The following MSRB3 variants were observed in gnomAD, a reference collection of about 807,000 sequenced individuals.
The protein encoded by MSRB3 is methionine sulfoxide reductase B3.
Under a neutral mutation model 21.0 loss-of-function variants are expected in MSRB3, and 13 were observed. The ratio of observed to expected loss-of-function variants is 0.62; its 90% CI spans 0.40 to 0.98. The LOEUF (loss-of-function observed/expected upper bound fraction) is 0.98. Among genes scored for constraint, MSRB3 ranks in the 50% least tolerant of loss-of-function variants. The probability of loss-of-function intolerance (pLI) is 0.00; values close to 1 mark genes in which losing one functional copy is unlikely to be tolerated. For missense variants in MSRB3, 199 were observed against 230.3 expected, an observed-to-expected ratio of 0.86 and a Z score of 0.88; for synonymous variants, 87 against 88.6, an observed-to-expected ratio of 0.98 and a Z score of 0.10.
intron 5 of MSRB3, among the ~76,000 whole-genome samples, chr12:65,429,011 G>A (rs1477547634): frequency 6.6e-6 from 1 of 152,076 alleles, no homozygotes; most frequent in African/African-American, 2.4e-5. Context: ...GGGTGGGACT[G>A]TATGGTTGCC....
At chr12:65,427,975 A>G (rs1881687673) in intron 5 of MSRB3, among the ~76,000 whole-genome samples, 1 of 152,184 alleles carries the variant, frequency 6.6e-6, no homozygotes, top group Admixed American at 6.5e-5. Flanking sequence ...CCAGGTCTAG[A>G]GTGTGAGGAC....
chr12:65,379,532 A>G (rs893120276), intron 5 of MSRB3, among the ~76,000 whole-genome samples: 1 of 152,120 alleles, frequency 6.6e-6, no homozygotes, highest in African/African-American at 2.4e-5. Flanking sequence ...GTCAGTCCCC[A>G]CTCATCAGAG....
rs922606894 is a variant in MSRB3 at position 65,416,542 on chromosome 12, A to G, written c.293-37186A>G. Among the ~76,000 whole-genome samples the G allele has an allele frequency of 1.2e-4, 19 of 152,334 alleles. 1 individual carries two copies. In the East Asian group the frequency reaches 2.9e-3, roughly 23 times the overall value. On this transcript the variant is annotated intron_variant, in intron 5 of 6. Transcript: ENST00000308259. Reference sequence around the variant, plus strand: ...CTACTACACACCTGGGCTCTGTGGTATAGCCTATTGCTTTTAGGCTACTAA... The same window carrying G: ...CTACTACACACCTGGGCTCTGTGGTGTAGCCTATTGCTTTTAGGCTACTAA...
chr12:65,288,516 C>A (rs1241399864), intron 1 of MSRB3, among the ~76,000 whole-genome samples: 3 of 151,978 alleles, frequency 2.0e-5, no homozygotes, highest in Non-Finnish European at 4.4e-5. Flanking sequence ...GCCTAGTGTG[C>A]CCAGTAATTT....
At chr12:65,410,478 CA>C (rs1370175603) in intron 5 of MSRB3, among the ~76,000 whole-genome samples, 1 of 151,874 alleles carries the variant, frequency 6.6e-6, no homozygotes, top group East Asian at 1.9e-4. Context: ...CCTGTCTCTA[CA>C]AAAAAATACA....
chr12:65,366,670 A>G (rs1878032591), intron 4 of MSRB3, among the ~76,000 whole-genome samples: 1 of 152,196 alleles, frequency 6.6e-6, no homozygotes, highest in Non-Finnish European at 1.5e-5. Flanking sequence ...GAATAATGCC[A>G]TCATTTTTGA....
chr12:65,418,141 G>A (rs998640908), intron 5 of MSRB3, among the ~76,000 whole-genome samples: 1 of 152,116 alleles, frequency 6.6e-6, no homozygotes. Context: ...TTTTGCTCTT[G>A]TCACCCAGGC....
Position 65,341,807 on chromosome 12 carries a change from T to C in MSRB3, c.263+13204T>C, listed in dbSNP as rs528823381. ...ATGTCATGACAAGGTAAGGTTTATT[T>C]CAGGGATGTACAAATGGTTCAATAC... On this transcript the variant is annotated intron_variant, in intron 4 of 6. Transcript: ENST00000308259. 1.1e-4 allele frequency among the ~76,000 whole-genome samples: 17 copies of C among 152,072 alleles called. No homozygotes were observed. The South Asian group carries it at 3.5e-3, about 31-fold the overall frequency.
chr12:65,377,189 A>G (rs1327871620), intron 5 of MSRB3, among the ~76,000 whole-genome samples: 1 of 152,200 alleles, frequency 6.6e-6, no homozygotes, highest in Non-Finnish European at 1.5e-5. Flanking sequence ...TATCATCTGC[A>G]GTAGTTATTT....
intron 5 of MSRB3, among the ~76,000 whole-genome samples, chr12:65,411,881 A>G (rs1329762508): frequency 2.6e-5 from 4 of 151,368 alleles, no homozygotes; most frequent in Admixed American, 6.6e-5. Context: ...GTGATTTTTC[A>G]TTATTTGTTT....
intron 5 of MSRB3, among the ~76,000 whole-genome samples, chr12:65,374,157 A>G (rs1878469748): frequency 6.6e-6 from 1 of 152,220 alleles, no homozygotes; most frequent in African/African-American, 2.4e-5. Flanking sequence ...TTTTAGCCAT[A>G]CAGTTTAATT....
chr12:65,366,864 AACT>A (rs1878042897), intron 4 of MSRB3, among the ~76,000 whole-genome samples: 1 of 152,154 alleles, frequency 6.6e-6, no homozygotes, highest in South Asian at 2.1e-4. Flanking sequence ...CAGGTGAGCA[AACT>A]CCTGCGGTGA....
Position 65,301,123 on chromosome 12 carries a change from TACAC to T in MSRB3, c.-51-7402_-51-7399del, listed in dbSNP as rs532143219. 4.2e-3 allele frequency among the ~76,000 whole-genome samples: 638 copies of T among 152,180 alleles called. 4 individuals carry two copies. Among genetic ancestry groups the T allele is most frequent in the Non-Finnish European group, 3.6e-3 (244 of 67,998 alleles). ...ACACACACAGACACACACATACACA[TACAC>T]ACAGTACAGGTGCTCAAAAATGATT... On this transcript the variant is annotated intron_variant, in intron 1 of 6. Coordinates refer to ENST00000308259, the MANE Select transcript of MSRB3 (RefSeq NM_001031679.3).
intron 5 of MSRB3, among the ~76,000 whole-genome samples, chr12:65,391,111 T>C (rs568047435): frequency 6.6e-6 from 1 of 152,324 alleles, no homozygotes; most frequent in East Asian, 1.9e-4. Flanking sequence ...ATCAAGTATT[T>C]GAACGATAGG....
chr12:65,379,384 T>G (rs1878819934), intron 5 of MSRB3, among the ~76,000 whole-genome samples: 1 of 152,246 alleles, frequency 6.6e-6, no homozygotes, highest in South Asian at 2.1e-4. Flanking sequence ...GTTTCCTACC[T>G]TATTGAAATA....
chr12:65,344,758 T>G (rs1374878559), intron 4 of MSRB3, among the ~76,000 whole-genome samples: 1 of 151,966 alleles, frequency 6.6e-6, no homozygotes, highest in East Asian at 1.9e-4. Context: ...CTCAAAACCA[T>G]GTCACTTTGA....
At chr12:65,302,394 T>G (rs190659667) in intron 1 of MSRB3, among the ~76,000 whole-genome samples, 1 of 152,336 alleles carries the variant, frequency 6.6e-6, no homozygotes, top group Admixed American at 6.5e-5. Flanking sequence ...TCTGTAATTC[T>G]TAATTTCTAC....
intron 4 of MSRB3, among the ~76,000 whole-genome samples, chr12:65,357,791 T>C (rs1877474466): frequency 6.6e-6 from 1 of 152,008 alleles, no homozygotes; most frequent in Non-Finnish European, 1.5e-5. Context: ...TTATGGTTTT[T>C]TTGGAGGAAG....
At chr12:65,324,929 A>G (rs557011099) in intron 2 of MSRB3, among the ~76,000 whole-genome samples, 1 of 152,198 alleles carries the variant, frequency 6.6e-6, no homozygotes, top group African/African-American at 2.4e-5. Context: ...AATATTTTGG[A>G]TAGAATTGTT....
Sources: allele counts gnomAD v4.1 joint callset (sites outside exome capture counted in the v4.1 genomes callset), GRCh38; gene constraint gnomAD v4.1.1; transcripts MANE v1.5; gene names NCBI Gene and HGNC (gene_info 2026-07-23, HGNC 2026-07-21).